Variants in MDN1 observed in about 807,000 individuals in gnomAD.
MDN1 encodes midasin.
Under a neutral mutation model 669.2 loss-of-function variants are expected in MDN1, and 266 were observed. The observed-to-expected ratio is 0.40, with a 90% CI of 0.36 to 0.44. MDN1 has a LOEUF of 0.44. Among genes scored for constraint, MDN1 ranks in the 20% least tolerant of loss-of-function variants. The pLI, the probability that MDN1 is intolerant of heterozygous loss-of-function variation, is 1.00. For missense variants in MDN1, 5,940 were observed against 6,754.0 expected (o/e 0.88, Z 4.22); for synonymous variants, 2,385 against 2,457.1 (o/e 0.97, Z 0.87).
chr6:89,809,939 C>T (rs1019301061), intron 1 of MDN1, among the ~76,000 whole-genome samples: 2 of 130,526 alleles, frequency 1.5e-5, no homozygotes, highest in African/African-American at 5.7e-5. Flanking sequence ...TGCAGTGAGC[C>T]ATGATTGTAC....
chr6:89,692,420 C>T (rs745445508), intron 63 of MDN1, 23 bp downstream of exon 63: 5 of 1,581,536 alleles, frequency 3.2e-6, no homozygotes, highest in Non-Finnish European at 4.3e-6. Flanking sequence ...AAGGGCAGGG[C>T]AGGCCTCCCA....
Position 89,688,589 on chromosome 6 carries a change from T to A in MDN1, c.11243A>T (p.His3748Leu), listed in dbSNP as rs775651699. 3.7e-6 allele frequency: 6 copies of A among 1,613,842 alleles called. No individual in the cohort carries two copies. The highest frequency in any genetic ancestry group is 4.2e-6 in the Non-Finnish European group (5 of 1,179,824). ...VSHLLQDWPEHPALEQLLVVM... is the reference protein window; with the variant it reads ...VSHLLQDWPELPALEQLLVVM... ...CTGCCCTACCTGTTCAAGCGCTGGG[T>A]GTTCTGGCCAGTCCTGTAGCAAGTG... The change falls in exon 66 of 102, where the codon CAC becomes CTC. Residue 3748 changes from histidine (H) to leucine (L), a missense_variant. By Grantham distance (99) the His-to-Leu change is moderately conservative. This residue lies in a region of MDN1 where 2,280 missense variants were observed against 2,576.3 expected (regional missense o/e 0.88). Transcript: ENST00000369393.
chr6:89,796,678 C>T (rs569856953), intron 2 of MDN1, among the ~76,000 whole-genome samples: 2 of 152,236 alleles, frequency 1.3e-5, no homozygotes, highest in African/African-American at 4.8e-5. Flanking sequence ...TGAGAAATCT[C>T]TGTACCTTCC....
chr6:89,746,377 G>A (rs1003809665), intron 27 of MDN1, among the ~76,000 whole-genome samples: 1 of 152,026 alleles, frequency 6.6e-6, no homozygotes, highest in African/African-American at 2.4e-5. Flanking sequence ...AAGGTCAGGA[G>A]TTTAAGACCA....
At chr6:89,817,462 A>AATC (rs1216813401) in intron 1 of MDN1, among the ~76,000 whole-genome samples, 5 of 152,192 alleles carry the variant, frequency 3.3e-5, no homozygotes, top group African/African-American at 1.2e-4. Flanking sequence ...AACTACTGAG[A>AATC]ATCAGTTAGT....
rs769528361 is a variant in MDN1 at position 89,719,268 on chromosome 6, C to T, written c.5968-43G>A. On this transcript the variant is annotated intron_variant, in intron 40 of 101. Transcript: ENST00000369393. ...TGCAATGAAAACACAAATCACTCCA[C>T]CTAATTCTTAGGCAAACTTTCTAGA... 5.6e-5 allele frequency: 85 copies of T among 1,526,500 alleles called. 1 individual carries two copies. Among genetic ancestry groups the T allele is most frequent in the Non-Finnish European group, 7.1e-5 (78 of 1,103,314 alleles). 94.6% of individuals were successfully genotyped at this position (1,526,500 alleles called of 1,614,324 possible). A position where few individuals can be genotyped will look rare whatever the true frequency, so the allele number is the denominator to read the frequency against.
At chr6:89,713,418 C>T (rs930460841) in intron 46 of MDN1, 122 bp from the exon 47 acceptor site, 77 of 863,282 alleles carry the variant, frequency 8.9e-5, no homozygotes, top group South Asian at 6.8e-4. Context: ...ACTTACTTTA[C>T]AAAACATTCC....
intron 1 of MDN1, among the ~76,000 whole-genome samples, chr6:89,809,668 C>T (rs975656227): frequency 1.5e-4 from 22 of 150,862 alleles, no homozygotes; most frequent in African/African-American, 4.6e-4. Context: ...CCCAGCTACT[C>T]GGGAGGCTGA....
At chr6:89,744,278 T>A (rs1429064590) in intron 29 of MDN1, among the ~76,000 whole-genome samples, 1 of 151,990 alleles carries the variant, frequency 6.6e-6, no homozygotes, top group Non-Finnish European at 1.5e-5. Flanking sequence ...CTCAATGCAA[T>A]GAAGCAAAAA....
chr6:89,664,457 A>C, intron 85 of MDN1, 30 bp downstream of exon 85: 1 of 1,608,532 alleles, frequency 6.2e-7, no homozygotes, highest in Non-Finnish European at 8.5e-7. Context: ...GCTTTCAAAA[A>C]CAAGAATGAA....
chr6:89,816,207 C>T (rs908391898), intron 1 of MDN1, among the ~76,000 whole-genome samples: 1 of 152,118 alleles, frequency 6.6e-6, no homozygotes, highest in Non-Finnish European at 1.5e-5. Flanking sequence ...CGAGACCAGC[C>T]TGGCTAACAT....
At chr6:89,686,750 T>C (rs1266383143) in intron 69 of MDN1, 152 bp downstream of exon 69, 1 of 1,047,792 alleles carries the variant, frequency 9.5e-7, no homozygotes, top group East Asian at 2.4e-5. Context: ...TTTTCTTGGC[T>C]GACCTCTCAG....
chr6:89,708,437 A>G, intron 51 of MDN1, 59 bp downstream of exon 51: 6 of 1,576,254 alleles, frequency 3.8e-6, no homozygotes, highest in Non-Finnish European at 5.2e-6. Context: ...TTCTTAGGAA[A>G]GGTATAATCC....
intron 8 of MDN1, among the ~76,000 whole-genome samples, chr6:89,786,724 AAGACCAGCCTGGCCAACAT>A (rs1818979907): frequency 6.6e-6 from 1 of 152,016 alleles, no homozygotes. Context: ...TCAGGAGATC[AAGACCAGCCTGGCCAACAT>A]GGTGAAACCC....
chr6:89,706,240 TA>T, intron 52 of MDN1, 48 bp from the exon 53 acceptor site: 1 of 1,565,348 alleles, frequency 6.4e-7, no homozygotes, highest in Non-Finnish European at 8.7e-7. Flanking sequence ...AGATTTAAAA[TA>T]ATCTCTGGAC....
chr6:89,700,007 C>A, intron 57 of MDN1, 56 bp downstream of exon 57: 1 of 1,491,694 alleles, frequency 6.7e-7, no homozygotes, highest in South Asian at 1.2e-5. Flanking sequence ...ATAGGATACA[C>A]AGAATAATCA....
intron 67 of MDN1, among the ~76,000 whole-genome samples, chr6:89,687,674 G>C (rs1043506500): frequency 1.3e-5 from 2 of 152,190 alleles, no homozygotes; most frequent in African/African-American, 4.8e-5. Flanking sequence ...TTATAGACTG[G>C]AGCCTGAATT....
rs779678520 is a variant in MDN1, at chr6:89,747,383, A to G, written c.3850T>C (p.Leu1284=). Residue 1284 remains leucine, a synonymous_variant, in exon 27 of 102, where the codon TTG becomes CTG. Coordinates refer to ENST00000369393, the MANE Select transcript of MDN1 (RefSeq NM_014611.3). Reference sequence around the variant, plus strand: ...TACTCCTTCTCGGTCGGCTCAGCCAATCTGTATCTTTCAGCCCATCGGAAC... The same window carrying G: ...TACTCCTTCTCGGTCGGCTCAGCCAGTCTGTATCTTTCAGCCCATCGGAAC... ...DLFRWAERYR[L]AEPTEKEYDW... 3 of 1,614,176 alleles carry G rather than the reference A, an allele frequency of 1.9e-6. No individual in the cohort carries two copies. Among genetic ancestry groups the G allele is most frequent in the East Asian group, 2.2e-5 (1 of 44,876 alleles).
At chr6:89,763,360 T>C (rs1817652534) in intron 15 of MDN1, among the ~76,000 whole-genome samples, 1 of 150,934 alleles carries the variant, frequency 6.6e-6, no homozygotes, top group African/African-American at 2.4e-5. Flanking sequence ...AAAAAAAATC[T>C]TAGCTATTGC....
Sources: gnomAD v4.1 joint callset for allele counts (sites outside exome capture counted in the v4.1 genomes callset) on GRCh38, gnomAD v4.1.1 for gene constraint, gnomAD v4.1.1 regional missense constraint, MANE v1.5 for transcripts, NCBI Gene and HGNC (gene_info 2026-07-23, HGNC 2026-07-21) for gene names.